Variants in SPATA6 observed in about 807,000 individuals in gnomAD.
SPATA6 encodes the protein spermatogenesis associated 6, also known as spermatogenesis-associated protein 6.
SPATA6 carries 56 observed loss-of-function variants against 65.3 expected under a neutral mutation model. The ratio of observed to expected loss-of-function variants is 0.86; its 90% CI spans 0.69 to 1.07. SPATA6 has a LOEUF of 1.07. SPATA6 is among the 50% of genes least tolerant of loss of function. The pLI, the probability that SPATA6 is intolerant of heterozygous loss-of-function variation, is 0.00. For missense variants in SPATA6, 590 were observed against 594.8 expected, an observed-to-expected ratio of 0.99 and a Z score of 0.08; for synonymous variants, 199 against 213.2, an observed-to-expected ratio of 0.93 and a Z score of 0.58.
At chr1:48,287,100 T>C in the SPATA6 span, among the ~76,000 whole-genome samples, 4 of 149,628 alleles carry the variant, frequency 2.7e-5, no homozygotes, top group African/African-American at 7.4e-5. Flanking sequence ...AAGGGAAGGA[T>C]AGTGGCATCT....
In SPATA6 at chr1:48,365,406, C is replaced by T. The variant is rs553488520; in HGVS notation, c.910-5636G>A. Among the ~76,000 whole-genome samples the T allele has an allele frequency of 7.2e-5, 11 of 152,190 alleles. No individual in the cohort carries two copies. The South Asian group carries it at 1.0e-3, about 14-fold the overall frequency. On this transcript the variant is annotated intron_variant, in intron 9 of 12. Transcript: ENST00000371847. ...ACTTTGGGCAGTATGGCCATTTTCA[C>T]GATATTGATTCTTCCTACCCATGAG...
At chr1:48,285,735 A>T in the SPATA6 span, among the ~76,000 whole-genome samples, 4 of 151,990 alleles carry the variant, frequency 2.6e-5, no homozygotes, top group African/African-American at 4.8e-5. Context: ...GCCCCGCCCC[A>T]CCCAGCTTCA....
chr1:48,297,026 T>C lies in SPATA6; in HGVS notation c.*1687A>G, dbSNP rs1037415280. The C allele has an allele frequency of 2.0e-5, 3 of 152,112 alleles. No individual in the cohort carries two copies. Among genetic ancestry groups the C allele is most frequent in the African/African-American group, 4.8e-5 (2 of 41,422 alleles). 9.4% of individuals were successfully genotyped at this position (152,112 alleles called of 1,614,324 possible). On this transcript the variant is annotated 3_prime_UTR_variant, in exon 13 of 13. Transcript: ENST00000371847. ...GTTCACAATGAGCACAGTGACCATATATCCTAATTTGCTGTAGACAGCCCC... is the reference window on the plus strand; with the variant it reads ...GTTCACAATGAGCACAGTGACCATACATCCTAATTTGCTGTAGACAGCCCC...
intron 9 of SPATA6, among the ~76,000 whole-genome samples, chr1:48,378,490 AG>A (rs1194838040): frequency 6.6e-6 from 1 of 152,210 alleles, no homozygotes; most frequent in Admixed American, 6.5e-5. Context: ...AAGACTGGGA[AG>A]AAAAAGAGGT....
At chr1:48,271,331 TAA>T in the SPATA6 span, among the ~76,000 whole-genome samples, 26 of 152,290 alleles carry the variant, frequency 1.7e-4, no homozygotes, top group Admixed American at 8.5e-4. Context: ...TAAAAAAATT[TAA>T]GAGTATCCAT....
intron 3 of SPATA6, chr1:48,435,817 C>G: frequency 1.1e-6 from 1 of 876,916 alleles, no homozygotes; most frequent in East Asian, 2.5e-5. Flanking sequence ...GGCGCCCGCC[C>G]CTGTCCGCAC....
intron 3 of SPATA6, among the ~76,000 whole-genome samples, chr1:48,435,297 T>C (rs1278689483): frequency 3.9e-5 from 6 of 152,194 alleles, no homozygotes; most frequent in Non-Finnish European, 8.8e-5. Flanking sequence ...AGCAGCACTC[T>C]GTAAAAACGC....
At chr1:48,304,077 TTTGAGATGG>T (rs1645001883) in intron 12 of SPATA6, among the ~76,000 whole-genome samples, 1 of 152,172 alleles carries the variant, frequency 6.6e-6, no homozygotes, top group Non-Finnish European at 1.5e-5. Context: ...TCCTCTAACC[TTTGAGATGG>T]AAAGCAGAAC....
chr1:48,385,668 T>C (rs1468892556), intron 8 of SPATA6, among the ~76,000 whole-genome samples: 2 of 152,194 alleles, frequency 1.3e-5, no homozygotes, highest in African/African-American at 4.8e-5. Flanking sequence ...AATCAATTTA[T>C]GATGAAACAT....
In SPATA6 at chr1:48,396,116, C is replaced by A. The variant is rs560984280; in HGVS notation, c.781-762G>T. 2.0e-5 allele frequency among the ~76,000 whole-genome samples: 3 copies of A among 151,748 alleles called. No individual in the cohort carries two copies. In the South Asian group the frequency reaches 6.2e-4, roughly 31 times the overall value. On this transcript the variant is annotated intron_variant, in intron 7 of 12. Transcript: ENST00000371847. Reference sequence around the variant, plus strand: ...ACATGAAAAGAAAAAAATTCAACAACCCTAATCATTAAGGAGACAGAAATC... The same window carrying A: ...ACATGAAAAGAAAAAAATTCAACAAACCTAATCATTAAGGAGACAGAAATC...
At chr1:48,331,870 G>T (rs527787458) in intron 11 of SPATA6, among the ~76,000 whole-genome samples, 28 of 152,270 alleles carry the variant, frequency 1.8e-4, no homozygotes, top group Admixed American at 1.2e-3. Context: ...ACTGACAGAG[G>T]ACCTCTCAAC....
intron 6 of SPATA6, among the ~76,000 whole-genome samples, chr1:48,401,592 C>T (rs1275989403): frequency 1.3e-5 from 2 of 152,114 alleles, no homozygotes; most frequent in Non-Finnish European, 2.9e-5. Context: ...TAAAACCTTC[C>T]TGCCATCACA....
intron 11 of SPATA6, among the ~76,000 whole-genome samples, chr1:48,306,887 C>A (rs186891062): frequency 6.6e-6 from 1 of 151,706 alleles, no homozygotes; most frequent in Non-Finnish European, 1.5e-5. Context: ...TATGAAGTAG[C>A]CTTTATTTCT....
chr1:48,444,720 C>A (rs1477770409), intron 3 of SPATA6, among the ~76,000 whole-genome samples: 2 of 152,204 alleles, frequency 1.3e-5, no homozygotes, highest in Non-Finnish European at 2.9e-5. Context: ...TCATTCTTCA[C>A]AATAAATCTT....
intron 3 of SPATA6, among the ~76,000 whole-genome samples, chr1:48,445,515 C>T (rs1219831625): frequency 2.0e-5 from 3 of 151,874 alleles, no homozygotes; most frequent in African/African-American, 4.8e-5. Context: ...AAAAAATTAG[C>T]CGGGCGTGGT....
intron 3 of SPATA6, chr1:48,436,807 C>T: frequency 6.2e-7 from 1 of 1,614,084 alleles, no homozygotes; most frequent in East Asian, 2.2e-5. Flanking sequence ...GTTACAGAAA[C>T]TGAAAGGTCC....
At chr1:48,440,804 C>T (rs1655389343) in intron 3 of SPATA6, among the ~76,000 whole-genome samples, 3 of 152,124 alleles carry the variant, frequency 2.0e-5, no homozygotes, top group African/African-American at 7.2e-5. Flanking sequence ...GGAGAAAGCT[C>T]GAAAAGCGAG....
intron 3 of SPATA6, among the ~76,000 whole-genome samples, chr1:48,444,041 C>T (rs1403420109): frequency 6.6e-6 from 1 of 152,178 alleles, no homozygotes; most frequent in Non-Finnish European, 1.5e-5. Context: ...GTAGCTAGAG[C>T]AGTCATCGCC....
the SPATA6 span, among the ~76,000 whole-genome samples, chr1:48,267,272 C>T: frequency 6.6e-6 from 1 of 152,132 alleles, no homozygotes; most frequent in Non-Finnish European, 1.5e-5. Context: ...GTTTACAGCT[C>T]CTGAAGCCCC....
Sources: gnomAD v4.1 joint callset for allele counts (sites outside exome capture counted in the v4.1 genomes callset) on GRCh38, gnomAD v4.1.1 for gene constraint, MANE v1.5 for transcripts, NCBI Gene and HGNC (gene_info 2026-07-23, HGNC 2026-07-21) for gene names.